Variants in HNRNPD observed in about 807,000 individuals in gnomAD.
HNRNPD encodes the protein heterogeneous nuclear ribonucleoprotein D.
HNRNPD carries 3 observed loss-of-function variants against 47.9 expected under a neutral mutation model. The ratio of observed to expected loss-of-function variants is 0.06; its 90% CI spans 0.03 to 0.16. The LOEUF is 0.16. Ranked by LOEUF, HNRNPD falls within the 10% of genes least tolerant of loss-of-function variation. The probability of loss-of-function intolerance (pLI) is 1.00; values close to 1 mark genes in which losing one functional copy is unlikely to be tolerated. For missense variants in HNRNPD, 287 were observed against 454.2 expected (o/e 0.63, Z 3.35); for synonymous variants, 171 against 165.1 (o/e 1.04, Z -0.28).
chr4:82,371,642 ACT>A, intron 1 of HNRNPD, 58 bp from the exon 2 acceptor site: 1 of 1,386,832 alleles, frequency 7.2e-7, no homozygotes, highest in Non-Finnish European at 1.0e-6. Flanking sequence ...AGTTTTTGAC[ACT>A]GTTAGGGTTA....
At chr4:82,360,542 C>T (rs1723920505) in intron 2 of HNRNPD, among the ~76,000 whole-genome samples, 1 of 152,008 alleles carries the variant, frequency 6.6e-6, no homozygotes, top group African/African-American at 2.4e-5. Flanking sequence ...AAAGACAGGA[C>T]TGGAGGTTTT....
In HNRNPD at chr4:82,355,456, A is replaced by C. The variant is rs896169653; in HGVS notation, c.1001-55T>G. 9 of 1,218,096 alleles carry C rather than the reference A, an allele frequency of 7.4e-6. No homozygotes were observed. The African/African-American group carries it at 1.4e-4, about 18-fold the overall frequency. 75.5% of individuals were successfully genotyped at this position (1,218,096 alleles called of 1,614,324 possible). On this transcript the variant is annotated intron_variant, in intron 7 of 8. Transcript: ENST00000313899. The stretch of plus-strand genomic sequence containing the variant: ...CGGTAGTGGTTACATACTAATAATC[A>C]GAACAGTACCTAATTTTAAACAATC...
chr4:82,369,183 T>C (rs1719908230), intron 2 of HNRNPD, among the ~76,000 whole-genome samples: 1 of 152,200 alleles, frequency 6.6e-6, no homozygotes, highest in Non-Finnish European at 1.5e-5. Flanking sequence ...CACTAAATAA[T>C]TTTAAAGTAC....
chr4:82,355,719 T>A (rs1364171856), intron 7 of HNRNPD: 6 of 337,704 alleles, frequency 1.8e-5, no homozygotes, highest in Admixed American at 4.6e-5. Context: ...AAAAATATCT[T>A]AAAATTTAGA....
intron 2 of HNRNPD, among the ~76,000 whole-genome samples, chr4:82,363,665 C>A (rs1315473202): frequency 6.6e-6 from 1 of 151,918 alleles, no homozygotes; most frequent in Non-Finnish European, 1.5e-5. Context: ...AGGACTTCAT[C>A]TACTGTATTT....
At chr4:82,355,434 T>C (rs757082424) in intron 7 of HNRNPD, 33 bp from the exon 8 acceptor site, 56 of 1,482,262 alleles carry the variant, frequency 3.8e-5, no homozygotes, top group African/African-American at 5.5e-5. Context: ...ACCAGAACGG[T>C]AGTGGTTACA....
intron 4 of HNRNPD, 191 bp from the exon 5 acceptor site, chr4:82,357,635 G>A (rs536684657): frequency 2.2e-6 from 1 of 448,506 alleles, no homozygotes; most frequent in Non-Finnish European, 3.9e-6. Flanking sequence ...TTCCATCTAA[G>A]GTCTTCACAA....
At chr4:82,370,440 A>C (rs1391187894) in intron 2 of HNRNPD, among the ~76,000 whole-genome samples, 1 of 152,210 alleles carries the variant, frequency 6.6e-6, no homozygotes, top group East Asian at 1.9e-4. Flanking sequence ...TTAATTTGCC[A>C]CTATTAGCTA....
At chr4:82,359,279 C>T (rs746047896) in intron 3 of HNRNPD, among the ~76,000 whole-genome samples, 192 bp downstream of exon 3, 1 of 152,002 alleles carries the variant, frequency 6.6e-6, no homozygotes, top group African/African-American at 2.4e-5. Context: ...TTTAGCAGAG[C>T]CTGGAACACA....
chr4:82,362,509 A>C (rs1193316119), intron 2 of HNRNPD, among the ~76,000 whole-genome samples: 1 of 152,016 alleles, frequency 6.6e-6, no homozygotes, highest in Non-Finnish European at 1.5e-5. Context: ...GTTGCTGACC[A>C]AATAGGTGAA....
At chr4:82,360,857 G>A (rs745416913) in intron 2 of HNRNPD, among the ~76,000 whole-genome samples, 9 of 152,164 alleles carry the variant, frequency 5.9e-5, no homozygotes, top group Non-Finnish European at 1.2e-4. Flanking sequence ...ATTAACTGAG[G>A]TGTTACTGAT....
chr4:82,371,798 G>T (rs890104848), intron 1 of HNRNPD, among the ~76,000 whole-genome samples: 2 of 152,112 alleles, frequency 1.3e-5, no homozygotes, highest in Non-Finnish European at 2.9e-5. Flanking sequence ...CCAAAGAACA[G>T]AATTCAGCAA....
At chr4:82,371,790 A>G (rs1720058252) in intron 1 of HNRNPD, among the ~76,000 whole-genome samples, 1 of 152,230 alleles carries the variant, frequency 6.6e-6, no homozygotes, top group Admixed American at 6.5e-5. Context: ...GCCTCTGTCC[A>G]AAGAACAGAA....
intron 2 of HNRNPD, among the ~76,000 whole-genome samples, chr4:82,367,974 G>A (rs144583325): frequency 2.6e-5 from 4 of 152,336 alleles, no homozygotes; most frequent in Non-Finnish European, 4.4e-5. Context: ...ACTGTTGGAA[G>A]TGAAGCAACA....
rs192605039 is a variant in HNRNPD, at chr4:82,356,960, A to G, written c.754-65T>C. 885 of 1,306,370 alleles carry G rather than the reference A, an allele frequency of 6.8e-4. 2 individuals are homozygous for G. Among genetic ancestry groups the G allele is most frequent in the Admixed American group, 1.3e-3 (78 of 59,388 alleles). 80.9% of individuals were successfully genotyped at this position (1,306,370 alleles called of 1,614,324 possible). ...AATAAAAGTTGCTAAATAAGTTTCT[A>G]ATAACCAGAATAGCCAACATGTTTA... On this transcript the variant is annotated intron_variant, in intron 5 of 8. Coordinates refer to ENST00000313899, the MANE Select transcript of HNRNPD (RefSeq NM_031370.3).
At chr4:82,354,355 T>C (rs1312405568) in intron 8 of HNRNPD, 1 of 152,472 alleles carries the variant, frequency 6.6e-6, no homozygotes, top group African/African-American at 2.4e-5. Flanking sequence ...TGGTTTAAGA[T>C]GTGATATGCT....
intron 2 of HNRNPD, among the ~76,000 whole-genome samples, chr4:82,363,643 C>T (rs1719601859): frequency 6.6e-6 from 1 of 152,062 alleles, no homozygotes; most frequent in Non-Finnish European, 1.5e-5. Context: ...GAATCAATCC[C>T]AATTAAAATG....
At chr4:82,356,926 A>G in intron 5 of HNRNPD, 31 bp from the exon 6 acceptor site, 1 of 1,552,242 alleles carries the variant, frequency 6.4e-7, no homozygotes, top group Non-Finnish European at 8.9e-7. Context: ...TATTAAACTG[A>G]CTCAAGAAAA....
chr4:82,362,423 C>G (rs1034564268), intron 2 of HNRNPD, among the ~76,000 whole-genome samples: 1 of 151,950 alleles, frequency 6.6e-6, no homozygotes, highest in Non-Finnish European at 1.5e-5. Flanking sequence ...CAAGAACACT[C>G]TGGCTTTTTC....
Sources: allele counts gnomAD v4.1 joint callset (sites outside exome capture counted in the v4.1 genomes callset), GRCh38; gene constraint gnomAD v4.1.1; transcripts MANE v1.5; gene names NCBI Gene and HGNC (gene_info 2026-07-23, HGNC 2026-07-21).